The following ANXA8 variants were observed in gnomAD, a reference collection of about 807,000 sequenced individuals.
ANXA8 encodes VAC-beta.
ANXA8 carries 9 observed loss-of-function variants against 26.8 expected under a neutral mutation model. The observed-to-expected ratio is 0.34, with a 90% CI of 0.20 to 0.59. The LOEUF is 0.59. Among genes scored for constraint, ANXA8 ranks in the 20% least tolerant of loss-of-function variants. ANXA8 has a pLI of 0.84. For missense variants in ANXA8, 83 were observed against 238.5 expected (o/e 0.35, Z 4.29); for synonymous variants, 39 against 94.8 (o/e 0.41, Z 3.42).
the ANXA8 span, among the ~76,000 whole-genome samples, chr10:47,656,443 G>T: frequency 6.8e-6 from 1 of 146,832 alleles, no homozygotes; most frequent in East Asian, 2.0e-4. Context: ...TTTGGTGATG[G>T]AATTCTCTAT....
the ANXA8 span, chr10:47,719,895 A>ATATC: frequency 6.6e-7 from 1 of 1,516,006 alleles, no homozygotes. Flanking sequence ...AGCTCAGAAG[A>ATATC]TATCTCTAAA....
At chr10:47,666,557 A>G in the ANXA8 span, among the ~76,000 whole-genome samples, 5 of 151,998 alleles carry the variant, frequency 3.3e-5, no homozygotes, top group African/African-American at 1.2e-4. Flanking sequence ...TCGTGCAAGT[A>G]ATGTTCCTTC....
chr10:47,555,764 T>G, the ANXA8 span, among the ~76,000 whole-genome samples: 1 of 152,028 alleles, frequency 6.6e-6, no homozygotes, highest in East Asian at 1.9e-4. Context: ...GGACACCCGG[T>G]TTGTATCTGC....
chr10:47,743,301 T>TATATATACACATATATATATATAC, the ANXA8 span, among the ~76,000 whole-genome samples: 1 of 41,358 alleles, frequency 2.4e-5, no homozygotes, highest in African/African-American at 6.0e-5. Flanking sequence ...TATACACATA[T>TATATATACACATATATATATATAC]ATATATATAT....
the ANXA8 span, chr10:47,715,822 C>G: frequency 6.9e-7 from 1 of 1,449,418 alleles, no homozygotes; most frequent in East Asian, 2.5e-5. Context: ...GTGAAGATAT[C>G]AGACTTAGCA....
the ANXA8 span, among the ~76,000 whole-genome samples, chr10:47,700,610 A>G: frequency 1.3e-5 from 2 of 150,822 alleles, no homozygotes; most frequent in Admixed American, 1.3e-4. Flanking sequence ...TTTTCTTAAT[A>G]TTACTCAGAA....
chr10:47,575,127 C>T, the ANXA8 span, among the ~76,000 whole-genome samples: 1 of 135,304 alleles, frequency 7.4e-6, no homozygotes, highest in African/African-American at 3.0e-5. Flanking sequence ...TCGCTTGAAC[C>T]TGAGAGGCAG....
At chr10:47,469,869 A>G (rs1352919477) in intron 11 of ANXA8, among the ~76,000 whole-genome samples, 3 of 150,904 alleles carry the variant, frequency 2.0e-5, no homozygotes, top group Admixed American at 1.3e-4. Context: ...TCAAACTACA[A>G]TGAAATTTTT....
At chr10:47,654,289 T>G in the ANXA8 span, among the ~76,000 whole-genome samples, 1 of 144,646 alleles carries the variant, frequency 6.9e-6, no homozygotes, top group Non-Finnish European at 1.5e-5. Flanking sequence ...GACAAAAAAT[T>G]GAGACTAGAC....
the ANXA8 span, among the ~76,000 whole-genome samples, chr10:47,576,617 A>G: frequency 1.3e-5 from 2 of 151,530 alleles, no homozygotes; most frequent in South Asian, 4.1e-4. Context: ...CACCAGCTAT[A>G]GTCAGCCTCC....
chr10:47,968,788 G>C, the ANXA8 span, among the ~76,000 whole-genome samples: 3 of 150,082 alleles, frequency 2.0e-5, no homozygotes, highest in East Asian at 5.8e-4. Flanking sequence ...GACTCGGTCA[G>C]TCATGATTTC....
At chr10:47,558,367 G>A in the ANXA8 span, among the ~76,000 whole-genome samples, 6 of 151,794 alleles carry the variant, frequency 4.0e-5, no homozygotes, top group South Asian at 2.1e-4. Flanking sequence ...CTCTGTGGCC[G>A]ACACCTGTGT....
the ANXA8 span, among the ~76,000 whole-genome samples, chr10:47,501,296 C>G: frequency 1.4e-5 from 2 of 143,394 alleles, no homozygotes; most frequent in African/African-American, 5.1e-5. Flanking sequence ...ATCAGTCCGC[C>G]TAGGCCTCCC....
the ANXA8 span, among the ~76,000 whole-genome samples, chr10:47,526,130 A>G: frequency 7.9e-6 from 1 of 126,352 alleles, no homozygotes; most frequent in Non-Finnish European, 1.6e-5. Context: ...TTTTTGAGAC[A>G]GAGTCTCACT....
the ANXA8 span, among the ~76,000 whole-genome samples, chr10:47,736,362 T>C: frequency 1.4e-5 from 1 of 70,600 alleles, no homozygotes; most frequent in Admixed American, 1.8e-4. Context: ...GACCATTCCA[T>C]ATAGGCCAGT....
At chr10:47,733,233 C>CTCTCTCTT in the ANXA8 span, among the ~76,000 whole-genome samples, 37 of 59,714 alleles carry the variant, frequency 6.2e-4, 2 homozygotes, top group East Asian at 1.0e-3. Context: ...CTTTCTTTCT[C>CTCTCTCTT]TCTTTCTTTC....
chr10:47,670,982 G>A, the ANXA8 span, among the ~76,000 whole-genome samples: 6 of 151,128 alleles, frequency 4.0e-5, no homozygotes, highest in East Asian at 9.6e-4. Context: ...GGGTTATAAA[G>A]GACTGATAAG....
chr10:47,558,529 ATGTGTGTGTGTGTG>A, the ANXA8 span, among the ~76,000 whole-genome samples: 29 of 141,586 alleles, frequency 2.0e-4, no homozygotes, highest in East Asian at 8.4e-4. Context: ...GGGTTTTAAG[ATGTGTGTGTGTGTG>A]TGTGTGTGTG....
At chr10:47,967,917 C>T in the ANXA8 span, among the ~76,000 whole-genome samples, 1 of 141,966 alleles carries the variant, frequency 7.0e-6, no homozygotes, top group African/African-American at 2.5e-5. Context: ...AAACAAAAGA[C>T]ATTTATTCAG....
Sources: gnomAD v4.1 joint callset for allele counts (sites outside exome capture counted in the v4.1 genomes callset) on GRCh38, gnomAD v4.1.1 for gene constraint, MANE v1.5 for transcripts, NCBI Gene and HGNC (gene_info 2026-07-23, HGNC 2026-07-21) for gene names.